The following KRT79 variants were observed in gnomAD, a reference collection of about 807,000 sequenced individuals.
KRT79 encodes the protein keratin, type II cytoskeletal 79.
Under a neutral mutation model 49.0 loss-of-function variants are expected in KRT79, and 51 were observed. The ratio of observed to expected loss-of-function variants is 1.04; its 90% CI spans 0.83 to 1.31. KRT79 has a LOEUF of 1.31. KRT79 is among the 40% of genes most tolerant of loss of function. The pLI, the probability that KRT79 is intolerant of heterozygous loss-of-function variation, is 0.00. For synonymous variants in KRT79, 312 were observed against 286.6 expected (o/e 1.09, Z -0.90); for missense variants, 728 against 688.0 (o/e 1.06, Z -0.65).
intron 4 of KRT79, among the ~76,000 whole-genome samples, chr12:52,826,538 C>T (rs1343844865): frequency 6.7e-6 from 1 of 149,208 alleles, no homozygotes; most frequent in Non-Finnish European, 1.5e-5. Context: ...AAAAGTCAGG[C>T]TTTCCGATGA....
At chr12:52,827,165 C>G (rs1487688270) in intron 4 of KRT79, among the ~76,000 whole-genome samples, 2 of 152,214 alleles carry the variant, frequency 1.3e-5, no homozygotes, top group African/African-American at 4.8e-5. Context: ...GCCCTTCCAT[C>G]AAGATCCAAC....
intron 4 of KRT79, among the ~76,000 whole-genome samples, chr12:52,829,116 T>C (rs1940213872): frequency 6.6e-6 from 1 of 152,196 alleles, no homozygotes; most frequent in African/African-American, 2.4e-5. Flanking sequence ...ATAGAAATTG[T>C]TCTTGCACTG....
rs1253716889 is a variant in KRT79 at position 52,831,504 on chromosome 12, A to C, written c.600T>G (p.Gly200=). Residue 200 remains glycine, a synonymous_variant, in exon 2 of 9, where the codon GGT becomes GGG. Transcript: ENST00000330553. ...NLEPLFEAYL[G]SMRSTLDRLQ... is the part of the protein sequence containing the mutation. The stretch of plus-strand genomic sequence containing the variant: ...GTCTGTCCAGCGTGCTCCGCATGCT[A>C]CCCAGGTAGGCCTCAAAGAGGGGCT... The C allele has an allele frequency of 1.2e-6, 2 of 1,614,074 alleles. No individual in the cohort carries two copies. The highest frequency in any genetic ancestry group is 1.7e-6 in the Non-Finnish European group (2 of 1,180,034).
In KRT79 at chr12:52,821,613, C is replaced by CTCAGTATCATT; in HGVS notation, c.*258_*259insAATGATACTGA. On this transcript the variant is annotated 3_prime_UTR_variant, in exon 9 of 9. Transcript: ENST00000330553. ...AGAAATTCAGCCTCCTCTCGGTGGT[C>CTCAGTATCATT]AAAAGGTCACCCCCAAGTCACCCAA... 1 of 494,334 alleles carries CTCAGTATCATT rather than the reference C, an allele frequency of 2.0e-6. No homozygotes were observed. The allele number at this position is 494,334 out of a possible 1,614,324, so 30.6% of individuals were successfully genotyped here.
At position 52,834,148 on chromosome 12, in the gene KRT79, A is replaced by G; in HGVS notation, c.113T>C (p.Val38Ala). Reference sequence around the variant, plus strand: ...GCCACCACTGCCACTGCTCCGAGACACCGTCACTGAGCTGAAGCTGGTGCG... The same window carrying G: ...GCCACCACTGCCACTGCTCCGAGACGCCGTCACTGAGCTGAAGCTGGTGCG... ...QARTSFSSVT[V>A]SRSSGSGGGA... Residue 38 changes from valine (V) to alanine (A), a missense_variant, in exon 1 of 9, where the codon GTG (valine) becomes GCG (alanine). Coordinates refer to ENST00000330553, the MANE Select transcript of KRT79 (RefSeq NM_175834.3). 6.2e-7 allele frequency: 1 copy of G among 1,613,146 alleles called. No individual in the cohort carries two copies. The highest frequency in any genetic ancestry group is 8.5e-7 in the Non-Finnish European group (1 of 1,179,766).
Position 52,822,021 on chromosome 12 carries a change from C to T in KRT79, c.1459G>A (p.Gly487Ser), listed in dbSNP as rs1478972301. The change falls in exon 9 of 9, where the codon GGC (glycine) becomes AGC (serine). Residue 487 changes from glycine (G) to serine (S), a missense_variant. Coordinates refer to ENST00000330553, the MANE Select transcript of KRT79 (RefSeq NM_175834.3). ...CGGGAASFGG[G>S]ISLGGSGGAT... is the part of the protein sequence containing the mutation. ...CCCCCACTCCCACCCAGGGAGATGCCACCTCCAAAGCTGGCTGCGCCACCT... is the reference window on the plus strand; with the variant it reads ...CCCCCACTCCCACCCAGGGAGATGCTACCTCCAAAGCTGGCTGCGCCACCT... 7 of 1,614,034 alleles carry T rather than the reference C, an allele frequency of 4.3e-6. No homozygotes were observed. Among genetic ancestry groups the T allele is most frequent in the Non-Finnish European group, 5.9e-6 (7 of 1,180,062 alleles).
intron 1 of KRT79, 61 bp downstream of exon 1, chr12:52,833,723 C>T: frequency 1.5e-6 from 2 of 1,377,380 alleles, no homozygotes. Flanking sequence ...CCCAGCCCAC[C>T]CTCTATTAGA....
Position 52,830,120 on chromosome 12 carries a change from T to G in KRT79, c.760-2A>C, listed in dbSNP as rs1316607539. 17 of 1,614,004 alleles carry G rather than the reference T, an allele frequency of 1.1e-5. No individual in the cohort carries two copies. The highest frequency in any genetic ancestry group is 1.4e-5 in the Non-Finnish European group (17 of 1,179,988). The stretch of plus-strand genomic sequence containing the variant: ...GCCCATGTATGCTGCATCCACATCC[T>G]GGGGACGAGAGAGCAAGACAGATCC... On this transcript the variant is annotated splice_acceptor_variant, in intron 3 of 8. Transcript: ENST00000330553. LOFTEE classifies it high-confidence loss of function.
chr12:52,826,271 T>G (rs1358666958), intron 4 of KRT79, among the ~76,000 whole-genome samples: 1 of 152,046 alleles, frequency 6.6e-6, no homozygotes, highest in African/African-American at 2.4e-5. Context: ...CTTGGCCAGG[T>G]GCAGTGGCTC....
intron 1 of KRT79, among the ~76,000 whole-genome samples, chr12:52,831,888 T>G (rs1368895580): frequency 6.6e-6 from 1 of 152,226 alleles, no homozygotes; most frequent in Non-Finnish European, 1.5e-5. Context: ...TTGGTAACCT[T>G]GGTCGAATCA....
At chr12:52,830,175 A>G in intron 3 of KRT79, 57 bp from the exon 4 acceptor site, 1 of 1,612,752 alleles carries the variant, frequency 6.2e-7, no homozygotes, top group South Asian at 1.1e-5. Context: ...CCTCTCCCCG[A>G]ATCAGCCCAG....
At chr12:52,823,409 A>G (rs1940128744) in intron 6 of KRT79, among the ~76,000 whole-genome samples, 173 bp from the exon 7 acceptor site, 1 of 152,234 alleles carries the variant, frequency 6.6e-6, no homozygotes, top group Non-Finnish European at 1.5e-5. Context: ...GGATCAAGTA[A>G]GGCCACTGGG....
At position 52,821,963 on chromosome 12, in the gene KRT79, C is replaced by T. The variant is rs746009776; in HGVS notation, c.1517G>A (p.Gly506Asp). ...ATKGGFSTNV[G>D]YSTVKGGPVS... ...TGGCCCTCCCTTGACGGTGCTATAG[C>T]CCACATTTGTGCTGAATCCACCCTT... Residue 506 changes from glycine to aspartate, a missense_variant, in exon 9 of 9, where the codon GGC (glycine) becomes GAC (aspartate). By Grantham distance (94) the Gly-to-Asp change is moderately conservative. Coordinates refer to ENST00000330553, the MANE Select transcript of KRT79 (RefSeq NM_175834.3). 1.5e-5 allele frequency: 25 copies of T among 1,614,078 alleles called. No individual in the cohort carries two copies. In the Admixed American group the frequency reaches 4.0e-4, roughly 26 times the overall value.
chr12:52,822,666 G>A (rs569039151), intron 7 of KRT79, among the ~76,000 whole-genome samples: 4 of 152,160 alleles, frequency 2.6e-5, no homozygotes, highest in Admixed American at 6.5e-5. Context: ...ACAAGCCCAC[G>A]ACCAGACAGA....
At chr12:52,826,083 G>T (rs966253979) in intron 4 of KRT79, among the ~76,000 whole-genome samples, 1 of 151,808 alleles carries the variant, frequency 6.6e-6, no homozygotes, top group African/African-American at 2.4e-5. Context: ...TCATCTTGAC[G>T]CATCCTGCCC....
intron 4 of KRT79, 96 bp from the exon 5 acceptor site, chr12:52,824,458 G>A: frequency 7.8e-7 from 1 of 1,280,762 alleles, no homozygotes; most frequent in Non-Finnish European, 1.1e-6. Flanking sequence ...AGCATCAGGA[G>A]GCCTGTGCTC....
chr12:52,825,114 G>A (rs866784050), intron 4 of KRT79, among the ~76,000 whole-genome samples: 3 of 152,172 alleles, frequency 2.0e-5, no homozygotes, highest in African/African-American at 2.4e-5. Context: ...CAGTGGGATC[G>A]CTGGGCCAGG....
intron 7 of KRT79, among the ~76,000 whole-genome samples, chr12:52,822,682 C>A (rs1478607570): frequency 6.6e-6 from 1 of 152,176 alleles, no homozygotes; most frequent in African/African-American, 2.4e-5. Context: ...ACAGAGCTGC[C>A]TAGTTTCTGC....
rs1161227469 is a variant in KRT79 at position 52,823,018 on chromosome 12, G to T, written c.1365C>A (p.Ser455Arg). The T allele has an allele frequency of 6.2e-7, 1 of 1,613,684 alleles. No individual in the cohort carries two copies. Among genetic ancestry groups the T allele is most frequent in the African/African-American group, 1.3e-5 (1 of 74,906 alleles). ...TYRKLLESEE[S>R]RMSGECPSAV... is the part of the protein sequence containing the mutation. ...GGTCGGGCAGGAGGGGCCACCACCTGCTCTCCTCGCTCTCCAGAAGCTTGC... is the reference window on the plus strand; with the variant it reads ...GGTCGGGCAGGAGGGGCCACCACCTTCTCTCCTCGCTCTCCAGAAGCTTGC... Residue 455 changes from serine (S) to arginine (R), a missense_variant and splice_region_variant, in exon 7 of 9, where the codon AGC (serine) becomes AGA (arginine). Transcript: ENST00000330553.
Sources: allele counts gnomAD v4.1 joint callset (sites outside exome capture counted in the v4.1 genomes callset), GRCh38; gene constraint gnomAD v4.1.1; transcripts MANE v1.5; gene names NCBI Gene and HGNC (gene_info 2026-07-23, HGNC 2026-07-21).